Variants in NFATC2 observed in about 807,000 individuals in gnomAD.
NFATC2 encodes the protein nuclear factor of activated T cells 2, also known as nuclear factor of activated T-cells, cytoplasmic 2.
Under a neutral mutation model 87.3 loss-of-function variants are expected in NFATC2, and 22 were observed. That is an observed-to-expected ratio of 0.25 (90% CI 0.18 to 0.36). The LOEUF (loss-of-function observed/expected upper bound fraction) is 0.36, where lower values mean the gene tolerates loss of function less well. NFATC2 is among the 10% of genes least tolerant of loss of function. NFATC2 has a pLI of 1.00. For synonymous variants in NFATC2, 565 were observed against 542.2 expected, an observed-to-expected ratio of 1.04 and a Z score of -0.58; for missense variants, 1,149 against 1,259.1, an observed-to-expected ratio of 0.91 and a Z score of 1.32.
chr20:51,523,277 T>G lies in NFATC2; in HGVS notation c.964A>C (p.Met322Leu). 1 of 1,613,642 alleles carries G rather than the reference T, an allele frequency of 6.2e-7. No individual in the cohort carries two copies. The highest frequency in any genetic ancestry group is 8.5e-7 in the Non-Finnish European group (1 of 1,179,794). Residue 322 changes from methionine to leucine, a missense_variant, in exon 2 of 11, where the codon ATG (methionine) becomes CTG (leucine). Physicochemically the swap from Met to Leu is conservative, Grantham distance 15 (BLOSUM62 2). Coordinates refer to ENST00000371564, the MANE Select transcript of NFATC2 (RefSeq NM_012340.5). This position sits in a 1 kb window ranked among gnomAD's most constrained non-coding sequence, Gnocchi z 6.9. ...GAGGGGTCAGGGCTGGTCTTCCACA[T>G]CTTGGGGGGGATCCCACAAGGCGAG... The part of the protein sequence containing the change: ...TDSPCGIPPK[M>L]WKTSPDPSPV...
rs146952365 is a variant in NFATC2 at position 51,412,731 on chromosome 20, T to C, written c.2723-14001A>G. 7.5e-3 allele frequency among the ~76,000 whole-genome samples: 1,136 copies of C among 152,016 alleles called. 14 individuals are homozygous for C. The highest frequency in any genetic ancestry group is 0.026 in the African/African-American group (1,067 of 41,460). On this transcript the variant is annotated intron_variant, in intron 9 of 10. Transcript: ENST00000371564. ...TCTCTGCCAGCTGGGTCCACGGGGA[T>C]GCTATCTTCGGGAGGAGCAGGGAGT...
intron 5 of NFATC2, among the ~76,000 whole-genome samples, chr20:51,470,593 G>T (rs1988113360): frequency 6.6e-6 from 1 of 152,196 alleles, no homozygotes; most frequent in African/African-American, 2.4e-5. Context: ...ATAAGTACTA[G>T]CCCACGAAGT....
intron 3 of NFATC2, among the ~76,000 whole-genome samples, chr20:51,497,097 C>A (rs547092946): frequency 5.9e-5 from 9 of 152,328 alleles, no homozygotes; most frequent in Admixed American, 5.2e-4. Flanking sequence ...TGAGAGGGGA[C>A]AGGGGCTTGG....
intron 1 of NFATC2, among the ~76,000 whole-genome samples, chr20:51,529,793 C>T (rs1437068955): frequency 6.6e-6 from 1 of 151,940 alleles, no homozygotes; most frequent in Middle Eastern, 3.2e-3. Context: ...ACCACTACTG[C>T]AGATGGAAAA....
upstream of NFATC2, among the ~76,000 whole-genome samples, chr20:51,547,135 C>T (rs56036639): frequency 0.11 from 17,387 of 152,100 alleles, 1,297 homozygotes; most frequent in Non-Finnish European, 0.17. Flanking sequence ...TAGATGATGG[C>T]TCTGGGTTCT....
At chr20:51,551,616 C>T (rs1417328367) in intron 1 of NFATC2, among the ~76,000 whole-genome samples, 1 of 147,870 alleles carries the variant, frequency 6.8e-6, no homozygotes, top group Non-Finnish European at 1.5e-5. Flanking sequence ...CACTATGTTG[C>T]CTAGGTTGGT....
Position 51,524,927 on chromosome 20 carries a change from C to T in NFATC2, c.131-817G>A, listed in dbSNP as rs1018096391. Among the ~76,000 whole-genome samples the T allele has an allele frequency of 6.6e-6, 1 of 152,076 alleles. No individual in the cohort carries two copies. The highest frequency in any genetic ancestry group is 1.5e-5 in the Non-Finnish European group (1 of 68,024). On this transcript the variant is annotated intron_variant, in intron 1 of 10. Transcript: ENST00000371564. This position sits in a 1 kb window ranked among gnomAD's most constrained non-coding sequence, Gnocchi z 4.0. ...TACCTGACACCCAAACTATTAGACCCAATGGATGCAGGCCGGGCGTGGTGG... is the reference window on the plus strand; with the variant it reads ...TACCTGACACCCAAACTATTAGACCTAATGGATGCAGGCCGGGCGTGGTGG...
intron 9 of NFATC2, among the ~76,000 whole-genome samples, chr20:51,407,873 T>C (rs1978572281): frequency 6.6e-6 from 1 of 152,250 alleles, no homozygotes; most frequent in Non-Finnish European, 1.5e-5. Context: ...CCTGAGCTTA[T>C]TTCATATGCC....
chr20:51,419,536 G>A (rs1447994012), intron 9 of NFATC2, among the ~76,000 whole-genome samples: 3 of 152,118 alleles, frequency 2.0e-5, no homozygotes, highest in Non-Finnish European at 4.4e-5. Flanking sequence ...GTATGATGGG[G>A]CCAGCATACC....
chr20:51,493,774 A>G (rs1267189795), intron 3 of NFATC2, among the ~76,000 whole-genome samples: 3 of 152,178 alleles, frequency 2.0e-5, no homozygotes, highest in African/African-American at 7.2e-5. Flanking sequence ...TGGCAACCTC[A>G]GCACCATGTC....
At chr20:51,520,308 G>C (rs140181782) in intron 2 of NFATC2, among the ~76,000 whole-genome samples, 130 of 152,328 alleles carry the variant, frequency 8.5e-4, no homozygotes, top group African/African-American at 3.1e-3. Context: ...AGAACAAGGA[G>C]TTAAGAATCC....
chr20:51,428,155 G>A (rs928187544), intron 9 of NFATC2, among the ~76,000 whole-genome samples: 1 of 152,110 alleles, frequency 6.6e-6, no homozygotes, highest in Non-Finnish European at 1.5e-5. Flanking sequence ...CAGAGGAATA[G>A]GGGAGAAAGG....
chr20:51,556,730 G>T (rs528465714), intron 1 of NFATC2, among the ~76,000 whole-genome samples: 1 of 152,306 alleles, frequency 6.6e-6, no homozygotes, highest in East Asian at 1.9e-4. Flanking sequence ...AGGAGCGATA[G>T]CACAGGCAAA....
rs1430954577 is a variant in NFATC2 at position 51,390,321 on chromosome 20, A to C, written c.*1175T>G. 1 of 152,238 alleles carries C rather than the reference A, an allele frequency of 6.6e-6. No homozygotes were observed. The highest frequency in any genetic ancestry group is 6.5e-5 in the Admixed American group (1 of 15,270). The allele number at this position is 152,238 out of a possible 1,614,324, so 9.4% of individuals were successfully genotyped here. ...AGCTCGGCTGTCCCACTTAGAGGGA[A>C]TTCAGCCCTTTTCCTCTATCTTGGT... On this transcript the variant is annotated 3_prime_UTR_variant, in exon 11 of 11. Transcript: ENST00000371564.
chr20:51,435,205 T>G lies in NFATC2; in HGVS notation c.2015A>C (p.His672Pro). The change falls in exon 8 of 11, where the codon CAC (histidine) becomes CCC (proline). Residue 672 changes from histidine to proline, a missense_variant. Physicochemically the swap from His to Pro is moderately conservative, Grantham distance 77 (BLOSUM62 -2). Around this residue, in one of 3 missense-constraint regions of NFATC2, gnomAD observed 581 missense variants for 649.7 expected, o/e 0.89. Transcript: ENST00000371564. ...CTCCTTACCTGGGTGGTAGGTAAAG[T>G]GCTGAGGCTGACTTCGTTTTCTCTT... ...NGKRKRSQPQ[H>P]FTYHPVPAIK... The G allele has an allele frequency of 6.2e-7, 1 of 1,614,184 alleles. No individual in the cohort carries two copies. Among genetic ancestry groups the G allele is most frequent in the South Asian group, 1.1e-5 (1 of 91,086 alleles).
At chr20:51,428,935 G>GTGTGCGACAGACTCCCTT (rs1204300657) in intron 9 of NFATC2, among the ~76,000 whole-genome samples, 12 of 152,190 alleles carry the variant, frequency 7.9e-5, no homozygotes, top group South Asian at 2.1e-4. Context: ...AATATGTGCC[G>GTGTGCGACAGACTCCCTT]TGTGCGACAG....
chr20:51,526,716 T>C (rs1422692732), intron 1 of NFATC2, among the ~76,000 whole-genome samples: 1 of 152,080 alleles, frequency 6.6e-6, no homozygotes, highest in African/African-American at 2.4e-5. Flanking sequence ...TACTGTCCAG[T>C]TTAGCCAAGC....
At chr20:51,534,962 T>C (rs1040156619) in intron 1 of NFATC2, among the ~76,000 whole-genome samples, 2 of 152,240 alleles carry the variant, frequency 1.3e-5, no homozygotes, top group Non-Finnish European at 2.9e-5. Flanking sequence ...CTGTGTACTA[T>C]TTCACTGTCA....
intron 1 of NFATC2, among the ~76,000 whole-genome samples, chr20:51,555,260 G>A (rs1035290027): frequency 6.6e-6 from 1 of 152,120 alleles, no homozygotes; most frequent in Non-Finnish European, 1.5e-5. Flanking sequence ...TCCCCCAGGG[G>A]CTCCTGATTA....
Sources: gnomAD v4.1 joint callset for allele counts (sites outside exome capture counted in the v4.1 genomes callset) on GRCh38, gnomAD v4.1.1 for gene constraint, gnomAD v4.1.1 regional missense constraint, Gnocchi (gnomAD v3.1) non-coding constraint, MANE v1.5 for transcripts, NCBI Gene and HGNC (gene_info 2026-07-23, HGNC 2026-07-21) for gene names.